OSMR: variants seen among roughly 807,000 people sequenced by gnomAD.
The protein encoded by OSMR is oncostatin-M-specific receptor subunit beta.
In OSMR, 81 loss-of-function variants were observed where a neutral mutation model predicts 99.9. The ratio of observed to expected loss-of-function variants is 0.81; its 90% CI spans 0.68 to 0.97. The LOEUF (loss-of-function observed/expected upper bound fraction) is 0.97, where lower values mean the gene tolerates loss of function less well. OSMR is among the 50% of genes least tolerant of loss of function. The pLI, the probability that OSMR is intolerant of heterozygous loss-of-function variation, is 0.00. For synonymous variants in OSMR, 406 were observed against 410.4 expected, an observed-to-expected ratio of 0.99 and a Z score of 0.13; for missense variants, 1,099 against 1,153.4, an observed-to-expected ratio of 0.95 and a Z score of 0.68.
At chr5:38,923,525 C>G (rs772569073) in intron 13 of OSMR, among the ~76,000 whole-genome samples, 2 of 152,114 alleles carry the variant, frequency 1.3e-5, no homozygotes, top group Admixed American at 6.6e-5. Flanking sequence ...TTGTCCAAAT[C>G]CATAATAATG....
At chr5:38,909,927 A>G (rs1328800278) in intron 9 of OSMR, among the ~76,000 whole-genome samples, 1 of 152,246 alleles carries the variant, frequency 6.6e-6, no homozygotes, top group East Asian at 1.9e-4. Context: ...AAAGGCACAG[A>G]GTGGCAAGTT....
chr5:38,876,966 A>G (rs1742889348), intron 3 of OSMR, among the ~76,000 whole-genome samples: 1 of 152,132 alleles, frequency 6.6e-6, no homozygotes, highest in Non-Finnish European at 1.5e-5. Context: ...TTGTCTTTGA[A>G]TTCTTTGGGG....
chr5:38,935,713 G>C (rs1271387384), downstream of OSMR: 1 of 152,068 alleles, frequency 6.6e-6, no homozygotes, highest in Non-Finnish European at 1.5e-5. Context: ...ATCACCTCAT[G>C]AACTTACTAA....
chr5:38,885,039 A>T (rs1218315491), intron 5 of OSMR, among the ~76,000 whole-genome samples: 2 of 152,196 alleles, frequency 1.3e-5, no homozygotes, highest in African/African-American at 4.8e-5. Context: ...ACAGCACCCG[A>T]AATGAAACAT....
At chr5:38,937,329 G>A (rs1044874886), downstream of OSMR, among the ~76,000 whole-genome samples, 2 of 152,190 alleles carry the variant, frequency 1.3e-5, no homozygotes, top group Non-Finnish European at 2.9e-5. The surrounding 1 kb of genome is among the most constrained non-coding windows in gnomAD (Gnocchi z 4.0). Context: ...CACCGCGCCC[G>A]GCCAAGAGGC....
intron 10 of OSMR, among the ~76,000 whole-genome samples, chr5:38,917,977 G>T (rs1416978202): frequency 6.6e-6 from 1 of 152,016 alleles, no homozygotes; most frequent in Non-Finnish European, 1.5e-5. Flanking sequence ...TATAAATCAA[G>T]CTTAAAAATT....
intron 15 of OSMR, 45 bp from the exon 16 acceptor site, chr5:38,931,838 G>A (rs1746765124): frequency 6.3e-7 from 1 of 1,585,596 alleles, no homozygotes; most frequent in Non-Finnish European, 8.7e-7. Flanking sequence ...TTTGAGGAAG[G>A]GAAAAGTACT....
At chr5:38,865,341 C>A (rs1741855495) in intron 1 of OSMR, among the ~76,000 whole-genome samples, 1 of 152,154 alleles carries the variant, frequency 6.6e-6, no homozygotes, top group Non-Finnish European at 1.5e-5. Flanking sequence ...GCTATCTGAG[C>A]ATCTGGTGAA....
intron 14 of OSMR, among the ~76,000 whole-genome samples, chr5:38,924,885 T>TTTTC (rs1746401407): frequency 2.6e-5 from 4 of 152,096 alleles, no homozygotes; most frequent in African/African-American, 9.7e-5. Flanking sequence ...CTCTTTTTTT[T>TTTTC]TTCACTTTAT....
At chr5:38,907,127 C>G (rs898113541) in intron 9 of OSMR, among the ~76,000 whole-genome samples, 30 of 152,126 alleles carry the variant, frequency 2.0e-4, no homozygotes, top group African/African-American at 7.0e-4. Flanking sequence ...GATTCTATAC[C>G]TAGAAAACCC....
In OSMR at chr5:38,884,077, T is replaced by C. The variant is rs756535674; in HGVS notation, c.669T>C (p.Ser223=). ...IYCEASQGNV[S]EGMKGIVLFV... ...GTGAGGCAAGTCAAGGAAATGTCAG[T>C]GAAGGCATGAAAGGCATCGTTCTTT... is the stretch of plus-strand genomic sequence containing the variant. The change falls in exon 5 of 18, where the codon AGT becomes AGC. Residue 223 remains serine (S), a synonymous_variant. Coordinates refer to ENST00000274276, the MANE Select transcript of OSMR (RefSeq NM_003999.3). 1 of 1,614,038 alleles carries C rather than the reference T, an allele frequency of 6.2e-7. No homozygotes were observed. The highest frequency in any genetic ancestry group is 8.5e-7 in the Non-Finnish European group (1 of 1,179,892).
chr5:38,863,459 C>A (rs1245247420), intron 1 of OSMR, among the ~76,000 whole-genome samples: 3 of 151,862 alleles, frequency 2.0e-5, no homozygotes, highest in Non-Finnish European at 4.4e-5. Flanking sequence ...ATCGCATGAA[C>A]CAGGGAGGCA....
At chr5:38,938,965 G>GA, downstream of OSMR, 1 of 232,968 alleles carries the variant, frequency 4.3e-6, no homozygotes, top group Non-Finnish European at 8.5e-6. Flanking sequence ...GACAAAAGTG[G>GA]AAGCATAAGA....
intron 15 of OSMR, among the ~76,000 whole-genome samples, chr5:38,930,600 C>A (rs1222840881): frequency 6.6e-6 from 1 of 152,150 alleles, no homozygotes; most frequent in Non-Finnish European, 1.5e-5. Flanking sequence ...TGTTTACCAA[C>A]CCAGCTGAAT....
At chr5:38,854,538 A>G (rs954944432) in intron 1 of OSMR, among the ~76,000 whole-genome samples, 1 of 152,232 alleles carries the variant, frequency 6.6e-6, no homozygotes, top group African/African-American at 2.4e-5. Context: ...TGCCCTGCAG[A>G]GAAGGAAAGT....
chr5:38,925,237 A>T lies in OSMR; in HGVS notation c.2078A>T (p.Asn693Ile), dbSNP rs1411615478. The T allele has an allele frequency of 6.2e-7, 1 of 1,614,118 alleles. No individual in the cohort carries two copies. The highest frequency in any genetic ancestry group is 1.7e-5 in the Admixed American group (1 of 60,018). The change falls in exon 15 of 18, where the codon AAC becomes ATC. Residue 693 changes from asparagine to isoleucine, a missense_variant. Asn to Ile is a moderately radical substitution (Grantham distance 149). Transcript: ENST00000274276. ...GSECCKYKID[N>I]PEEKALIVDN... is the part of the protein sequence containing the mutation. ...GAATGTTGCAAATACAAAATTGACA[A>T]CCCGGAAGAAAAGGCATTGATTGTG...
At chr5:38,864,561 T>TTTTC (rs1741783846) in intron 1 of OSMR, among the ~76,000 whole-genome samples, 1 of 149,852 alleles carries the variant, frequency 6.7e-6, no homozygotes, top group Non-Finnish European at 1.5e-5. Context: ...TTTCTTTTAG[T>TTTTC]ACTTAGAATA....
chr5:38,864,903 T>C (rs925342174), intron 1 of OSMR, among the ~76,000 whole-genome samples: 3 of 152,230 alleles, frequency 2.0e-5, no homozygotes, highest in African/African-American at 7.2e-5. Flanking sequence ...GTCCCATATG[T>C]CATGTAGGCA....
At chr5:38,874,027 T>C (rs189204632) in intron 2 of OSMR, among the ~76,000 whole-genome samples, 4 of 152,232 alleles carry the variant, frequency 2.6e-5, no homozygotes, top group Admixed American at 2.0e-4. Flanking sequence ...AGACAGGGTT[T>C]TTCCATGTTG....
Sources: gnomAD v4.1 joint callset for allele counts (sites outside exome capture counted in the v4.1 genomes callset) on GRCh38, gnomAD v4.1.1 for gene constraint, Gnocchi (gnomAD v3.1) non-coding constraint, MANE v1.5 for transcripts, NCBI Gene and HGNC (gene_info 2026-07-23, HGNC 2026-07-21) for gene names.